NALCN: variants seen among roughly 807,000 people sequenced by gnomAD.
NALCN encodes sodium leak channel NALCN.
In NALCN, 111 loss-of-function variants were observed where a neutral mutation model predicts 225.3. The ratio of observed to expected loss-of-function variants is 0.49; its 90% CI spans 0.42 to 0.58. The LOEUF (loss-of-function observed/expected upper bound fraction) is 0.58. NALCN is among the 20% of genes least tolerant of loss of function. The pLI is 0.00. For missense variants in NALCN, 1,378 were observed against 2,202.4 expected, an observed-to-expected ratio of 0.63 and a Z score of 7.49; for synonymous variants, 764 against 769.0, an observed-to-expected ratio of 0.99 and a Z score of 0.11.
chr13:101,390,633 C>T (rs1264502756), intron 3 of NALCN, among the ~76,000 whole-genome samples: 1 of 152,030 alleles, frequency 6.6e-6, no homozygotes, highest in East Asian at 1.9e-4. Context: ...AAGTCTCTTT[C>T]CGTATTCAGG....
intron 14 of NALCN, among the ~76,000 whole-genome samples, chr13:101,186,087 C>T (rs570683614): frequency 1.3e-3 from 202 of 152,340 alleles, no homozygotes; most frequent in African/African-American, 4.3e-3. Flanking sequence ...GTCACCCTCA[C>T]GCATGTGTTT....
chr13:101,241,808 AGG>A, intron 11 of NALCN, among the ~76,000 whole-genome samples: 2 of 36,196 alleles, frequency 5.5e-5, no homozygotes, highest in Non-Finnish European at 6.8e-5. Flanking sequence ...TTTCCCTCTG[AGG>A]GATGGGATTT....
At chr13:101,090,115 C>A (rs1241328049) in intron 28 of NALCN, 149 bp from the exon 29 acceptor site, 4 of 1,134,782 alleles carry the variant, frequency 3.5e-6, no homozygotes, top group Non-Finnish European at 5.0e-6. Flanking sequence ...TGTGCGTGCA[C>A]ACACACATAC....
chr13:101,157,464 T>C (rs999861129), intron 15 of NALCN, among the ~76,000 whole-genome samples: 2 of 152,142 alleles, frequency 1.3e-5, no homozygotes, highest in African/African-American at 4.8e-5. Flanking sequence ...CACCTCTCAC[T>C]GTGCCTGGGG....
intron 15 of NALCN, among the ~76,000 whole-genome samples, chr13:101,151,229 C>T (rs557389553): frequency 6.6e-6 from 1 of 152,344 alleles, no homozygotes; most frequent in Admixed American, 6.5e-5. Context: ...TGTAATTGCT[C>T]TGCACGACAC....
chr13:101,114,522 C>T (rs614800), intron 18 of NALCN, among the ~76,000 whole-genome samples: 113,760 of 151,712 alleles, frequency 0.75, 44,031 homozygotes, highest in East Asian at 1. Context: ...AGGTGCTCTA[C>T]GGAGAGTTCC....
intron 13 of NALCN, among the ~76,000 whole-genome samples, chr13:101,194,192 T>C (rs2039797709): frequency 6.6e-6 from 1 of 152,156 alleles, no homozygotes; most frequent in Non-Finnish European, 1.5e-5. Flanking sequence ...TGTTGTGAGA[T>C]AAGCGATGTG....
intron 11 of NALCN, among the ~76,000 whole-genome samples, chr13:101,258,182 G>T (rs2042301929): frequency 6.6e-6 from 1 of 152,132 alleles, no homozygotes; most frequent in African/African-American, 2.4e-5. Context: ...AAAACAGCAA[G>T]ATTCTAGAGT....
chr13:101,293,117 T>A (rs2043612132), intron 7 of NALCN, among the ~76,000 whole-genome samples: 1 of 152,174 alleles, frequency 6.6e-6, no homozygotes, highest in South Asian at 2.1e-4. Context: ...CATATAAAGA[T>A]AAAGTGACTT....
intron 7 of NALCN, among the ~76,000 whole-genome samples, chr13:101,335,963 C>T (rs568722185): frequency 3.9e-5 from 6 of 152,180 alleles, no homozygotes; most frequent in African/African-American, 1.2e-4. Flanking sequence ...ATTCAATTTA[C>T]ATCCCATTAT....
At chr13:101,154,969 AT>A (rs2037834172) in intron 15 of NALCN, among the ~76,000 whole-genome samples, 3 of 152,218 alleles carry the variant, frequency 2.0e-5, no homozygotes, top group Admixed American at 2.0e-4. Flanking sequence ...TCAAAAAAGA[AT>A]AATAAAGTAT....
rs1302138282 is a variant in NALCN, at chr13:101,055,504, G to A, written c.5024-16C>T. On this transcript the variant is annotated splice_polypyrimidine_tract_variant and intron_variant, in intron 43 of 43. Coordinates refer to ENST00000251127, the MANE Select transcript of NALCN (RefSeq NM_052867.4). ...GGTTTTGGGGCTGTGGAATTAATGA[G>A]TCCTATGAGCCACTTGGTATTGCTT... is the stretch of plus-strand genomic sequence containing the variant. 1.2e-6 allele frequency: 2 copies of A among 1,609,978 alleles called. No individual in the cohort carries two copies. The highest frequency in any genetic ancestry group is 1.7e-6 in the Non-Finnish European group (2 of 1,177,310).
At chr13:101,069,048 T>C (rs930195211) in intron 37 of NALCN, among the ~76,000 whole-genome samples, 2 of 152,226 alleles carry the variant, frequency 1.3e-5, no homozygotes, top group Admixed American at 1.3e-4. Context: ...CCCAAGGTTA[T>C]TGCCATTTTT....
chr13:101,413,621 T>TA (rs952387296), intron 1 of NALCN, among the ~76,000 whole-genome samples: 42 of 152,118 alleles, frequency 2.8e-4, no homozygotes, highest in Admixed American at 2.4e-3. Flanking sequence ...GTCAAGCCCT[T>TA]AAAAAGACTA....
intron 7 of NALCN, among the ~76,000 whole-genome samples, chr13:101,299,398 T>C (rs1394242487): frequency 6.6e-6 from 1 of 152,188 alleles, no homozygotes; most frequent in Non-Finnish European, 1.5e-5. Context: ...TTCTGAACTG[T>C]CCCAAGACAA....
chr13:101,356,866 G>C (rs2046078613), intron 6 of NALCN, among the ~76,000 whole-genome samples: 1 of 152,168 alleles, frequency 6.6e-6, no homozygotes, highest in Admixed American at 6.5e-5. Context: ...CATCCCTGAA[G>C]TGTAAGGCTG....
intron 15 of NALCN, among the ~76,000 whole-genome samples, chr13:101,162,259 C>T (rs1322465554): frequency 3.3e-5 from 5 of 152,200 alleles, no homozygotes; most frequent in Non-Finnish European, 7.3e-5. Flanking sequence ...TCCAACTCCC[C>T]TATTAGACCA....
At chr13:101,149,441 A>G (rs1434512696) in intron 15 of NALCN, among the ~76,000 whole-genome samples, 2 of 152,230 alleles carry the variant, frequency 1.3e-5, no homozygotes, top group Non-Finnish European at 2.9e-5. Context: ...CCCGCATTCT[A>G]ATTGGTATTA....
At chr13:101,056,554 G>A (rs550901033) in intron 43 of NALCN, among the ~76,000 whole-genome samples, 31 of 152,150 alleles carry the variant, frequency 2.0e-4, no homozygotes, top group Middle Eastern at 3.4e-3. Flanking sequence ...GAGCCACTGC[G>A]CCTGGCCCAA....
Sources: allele counts gnomAD v4.1 joint callset (sites outside exome capture counted in the v4.1 genomes callset), GRCh38; gene constraint gnomAD v4.1.1; transcripts MANE v1.5; gene names NCBI Gene and HGNC (gene_info 2026-07-23, HGNC 2026-07-21).